The following FILIP1L variants were observed in gnomAD, a reference collection of about 807,000 sequenced individuals.
FILIP1L encodes the protein filamin A interacting protein 1 like.
FILIP1L carries 55 observed loss-of-function variants against 96.6 expected under a neutral mutation model. That is an observed-to-expected ratio of 0.57 (90% CI 0.46 to 0.71). FILIP1L has a LOEUF of 0.71. Ranked by LOEUF, FILIP1L falls within the 30% of genes least tolerant of loss-of-function variation. The pLI is 0.00. For synonymous variants in FILIP1L, 467 were observed against 473.9 expected (o/e 0.99, Z 0.19); for missense variants, 1,304 against 1,321.2 (o/e 0.99, Z 0.20).
chr3:99,894,158 T>A (rs189139542), intron 4 of FILIP1L, among the ~76,000 whole-genome samples: 2 of 151,934 alleles, frequency 1.3e-5, no homozygotes, highest in East Asian at 3.9e-4. Flanking sequence ...CAGCTAGGAG[T>A]TGGTTGGAGA....
At chr3:100,075,465 T>C (rs956237034) in intron 1 of FILIP1L, 1 of 152,218 alleles carries the variant, frequency 6.6e-6, no homozygotes, top group African/African-American at 2.4e-5. Context: ...TAAACATCTC[T>C]TGCATTTTTA....
chr3:100,014,891 C>CTTTT (rs1710284139), intron 1 of FILIP1L, among the ~76,000 whole-genome samples: 8 of 27,218 alleles, frequency 2.9e-4, no homozygotes, highest in African/African-American at 4.5e-4. Flanking sequence ...TTTTTTCTTT[C>CTTTT]TTTCTTTTTT....
chr3:100,098,973 G>A (rs575426976), intron 1 of FILIP1L, among the ~76,000 whole-genome samples: 1 of 152,320 alleles, frequency 6.6e-6, no homozygotes, highest in South Asian at 2.1e-4. Context: ...CCATGCATGG[G>A]ATGTGGAGTA....
chr3:100,006,712 C>T (rs1394428825), intron 1 of FILIP1L, among the ~76,000 whole-genome samples: 4 of 151,392 alleles, frequency 2.6e-5, no homozygotes, highest in Non-Finnish European at 4.4e-5. Context: ...TAGTGACTCC[C>T]AGAGTTTGCT....
Position 100,011,949 on chromosome 3 carries a change from A to G in FILIP1L, c.-10-80919T>C, listed in dbSNP as rs149418245. Among the ~76,000 whole-genome samples, 691 of 152,328 alleles carry G rather than the reference A, an allele frequency of 4.5e-3. 7 individuals are homozygous for G. Among genetic ancestry groups the G allele is most frequent in the African/African-American group, 0.016 (677 of 41,570 alleles). ...TTAGTCACAGTTATCTTGTTTGGCA[A>G]TATAAGATATTGTGTGGCTGCTTTC... On this transcript the variant is annotated intron_variant, in intron 1 of 5. Transcript: ENST00000477258.
chr3:99,843,686 T>C (rs1032926599), intron 5 of FILIP1L, among the ~76,000 whole-genome samples: 1 of 152,064 alleles, frequency 6.6e-6, no homozygotes, highest in African/African-American at 2.4e-5. Context: ...AAATCTACAA[T>C]TGGGCAAAAT....
intron 1 of FILIP1L, among the ~76,000 whole-genome samples, chr3:99,934,067 A>G (rs544911244): frequency 6.6e-6 from 1 of 152,296 alleles, no homozygotes; most frequent in Non-Finnish European, 1.5e-5. Flanking sequence ...ATCTCATCTC[A>G]GCTGTATGTG....
rs1322102542 is a variant in FILIP1L, at chr3:100,022,141, AGAAAT to A, written c.-10-91116_-10-91112del. Among the ~76,000 whole-genome samples the A allele has an allele frequency of 3.3e-5, 5 of 152,334 alleles. No homozygotes were observed. In the East Asian group the frequency reaches 9.6e-4, roughly 29 times the overall value. ...AAAAATAGAGGGAAGCCCTTGGAAA[AGAAAT>A]GATATTAGAATAATGTTGAGTCTCT... is the stretch of plus-strand genomic sequence containing the variant. On this transcript the variant is annotated intron_variant, in intron 1 of 5. Coordinates refer to ENST00000477258, the MANE Select transcript of FILIP1L (RefSeq NM_001387850.1).
At chr3:100,020,902 G>A (rs2064803081) in intron 1 of FILIP1L, among the ~76,000 whole-genome samples, 1 of 151,642 alleles carries the variant, frequency 6.6e-6, no homozygotes, top group African/African-American at 2.4e-5. Context: ...CAAGTAGCTG[G>A]GACTACAGGC....
At chr3:99,993,265 C>CA (rs1709576242) in intron 1 of FILIP1L, among the ~76,000 whole-genome samples, 3 of 151,842 alleles carry the variant, frequency 2.0e-5, no homozygotes, top group Admixed American at 1.3e-4. Context: ...AATATTGATT[C>CA]TTCAATCTAT....
chr3:100,105,507 G>C (rs1299048317), intron 1 of FILIP1L, among the ~76,000 whole-genome samples: 1 of 152,128 alleles, frequency 6.6e-6, no homozygotes, highest in Non-Finnish European at 1.5e-5. Flanking sequence ...CTTCCAGGAA[G>C]GTTCAGTAAT....
intron 1 of FILIP1L, among the ~76,000 whole-genome samples, chr3:100,014,891 C>CTTTTTTTTTTTTTTTTT (rs1710284139): frequency 1.3e-3 from 35 of 27,218 alleles, no homozygotes; most frequent in Non-Finnish European, 1.6e-3. Context: ...TTTTTTCTTT[C>CTTTTTTTTTTTTTTTTT]TTTCTTTTTT....
At chr3:100,011,447 T>G (rs1470057947) in intron 1 of FILIP1L, among the ~76,000 whole-genome samples, 9 of 152,172 alleles carry the variant, frequency 5.9e-5, no homozygotes, top group African/African-American at 1.9e-4. Context: ...CCCAGAGGAC[T>G]AGTTAGATGC....
intron 1 of FILIP1L, among the ~76,000 whole-genome samples, chr3:99,998,119 T>C (rs951252716): frequency 6.6e-6 from 1 of 152,212 alleles, no homozygotes; most frequent in African/African-American, 2.4e-5. Context: ...AGAATCATAG[T>C]GTACTACTGA....
chr3:99,983,507 T>C (rs2107737592), intron 1 of FILIP1L, among the ~76,000 whole-genome samples: 1 of 95,216 alleles, frequency 1.1e-5, no homozygotes, highest in African/African-American at 4.2e-5. Context: ...TATATATATA[T>C]ATGTATATAT....
intron 1 of FILIP1L, among the ~76,000 whole-genome samples, chr3:100,101,869 T>C (rs2066313018): frequency 6.6e-6 from 1 of 151,962 alleles, no homozygotes; most frequent in African/African-American, 2.4e-5. Flanking sequence ...GAACATGCAG[T>C]GTTTGGTTTT....
At chr3:100,011,297 TGA>T (rs1710149679) in intron 1 of FILIP1L, among the ~76,000 whole-genome samples, 1 of 152,092 alleles carries the variant, frequency 6.6e-6, no homozygotes. Context: ...CGACACGTGT[TGA>T]TCTATTGAGT....
intron 1 of FILIP1L, among the ~76,000 whole-genome samples, chr3:100,010,778 A>ATTTTTTTT (rs11371196): frequency 9.6e-5 from 9 of 93,668 alleles, no homozygotes; most frequent in African/African-American, 1.8e-4. Context: ...CCACGCCCGG[A>ATTTTTTTT]TTTTTTTTTT....
chr3:100,062,617 C>A (rs1378031103), intron 1 of FILIP1L, among the ~76,000 whole-genome samples: 1 of 152,204 alleles, frequency 6.6e-6, no homozygotes, highest in East Asian at 1.9e-4. Flanking sequence ...AGCTACATCA[C>A]CTCTGCTGCC....
Sources: gnomAD v4.1 joint callset for allele counts (sites outside exome capture counted in the v4.1 genomes callset) on GRCh38, gnomAD v4.1.1 for gene constraint, MANE v1.5 for transcripts, NCBI Gene and HGNC (gene_info 2026-07-23, HGNC 2026-07-21) for gene names.